Variants in DENND6A observed in about 807,000 individuals in gnomAD.
DENND6A encodes the protein DENN domain containing 6A.
A neutral mutation model predicts 95.5 loss-of-function variants in DENND6A; 43 were observed. That is an observed-to-expected ratio of 0.45 (90% CI 0.35 to 0.58). The LOEUF is 0.58. DENND6A is among the 20% of genes least tolerant of loss of function. The pLI is 0.00. For synonymous variants in DENND6A, 257 were observed against 260.4 expected, an observed-to-expected ratio of 0.99 and a Z score of 0.13; for missense variants, 574 against 736.0, an observed-to-expected ratio of 0.78 and a Z score of 2.55.
intron 9 of DENND6A, among the ~76,000 whole-genome samples, chr3:57,652,535 A>G (rs570350750): frequency 6.6e-6 from 1 of 152,368 alleles, no homozygotes; most frequent in South Asian, 2.1e-4. Context: ...AACTGTGTGA[A>G]ATAATGTTTG....
At chr3:57,661,765 A>T (rs1432325196) in intron 5 of DENND6A, among the ~76,000 whole-genome samples, 1 of 152,186 alleles carries the variant, frequency 6.6e-6, no homozygotes, top group Non-Finnish European at 1.5e-5. Context: ...CATGTAACAG[A>T]TTTTCCTGCT....
At chr3:57,663,827 C>T (rs2071478287) in intron 4 of DENND6A, 111 bp from the exon 5 acceptor site, 2 of 520,114 alleles carry the variant, frequency 3.8e-6, no homozygotes, top group East Asian at 7.1e-5. Flanking sequence ...TTTATAAACC[C>T]AAATCAAGAC....
rs2070942558 is a variant in DENND6A, at chr3:57,641,699, G to C, written c.1086C>G (p.Leu362=). 6.2e-7 allele frequency: 1 copy of C among 1,613,312 alleles called. No individual in the cohort carries two copies. Among genetic ancestry groups the C allele is most frequent in the Admixed American group, 1.7e-5 (1 of 59,942 alleles). ...GVTNPFFAKT[L]QHWPHIIRIG... Reference sequence around the variant, plus strand: ...TTCGAATAATGTGTGGCCAGTGCTGGAGTGTCTTAGCAAAAAAAGGGTTGG... The same window carrying C: ...TTCGAATAATGTGTGGCCAGTGCTGCAGTGTCTTAGCAAAAAAAGGGTTGG... Residue 362 remains leucine (L), a synonymous_variant, in exon 12 of 20, where the codon CTC becomes CTG. Transcript: ENST00000311128.
chr3:57,661,753 G>A (rs141013555), intron 5 of DENND6A, among the ~76,000 whole-genome samples: 2 of 152,240 alleles, frequency 1.3e-5, no homozygotes, highest in East Asian at 3.9e-4. Context: ...AGAGCATAAT[G>A]GCATGTAACA....
chr3:57,651,193 C>T (rs1213377131), intron 9 of DENND6A, among the ~76,000 whole-genome samples: 1 of 152,198 alleles, frequency 6.6e-6, no homozygotes, highest in Non-Finnish European at 1.5e-5. Flanking sequence ...AAAAGCAGTA[C>T]GCATTCAGTA....
intron 15 of DENND6A, among the ~76,000 whole-genome samples, chr3:57,631,992 G>T (rs1417090730): frequency 7.0e-6 from 1 of 143,606 alleles, no homozygotes; most frequent in South Asian, 2.2e-4. Context: ...AAAGTGCTGG[G>T]ATTACAGGCG....
intron 1 of DENND6A, among the ~76,000 whole-genome samples, chr3:57,685,292 A>G (rs914333599): frequency 2.0e-5 from 3 of 152,018 alleles, no homozygotes; most frequent in Admixed American, 6.6e-5. Flanking sequence ...TATCATTAAA[A>G]AAAATTGTTT....
chr3:57,657,825 G>T, intron 8 of DENND6A, 90 bp from the exon 9 acceptor site: 1 of 751,202 alleles, frequency 1.3e-6, no homozygotes, highest in Non-Finnish European at 2.2e-6. Flanking sequence ...AATAAGCCAT[G>T]CTGCCCTGTC....
chr3:57,629,218 GA>G (rs1195001853), intron 18 of DENND6A, among the ~76,000 whole-genome samples: 1 of 152,140 alleles, frequency 6.6e-6, no homozygotes, highest in Non-Finnish European at 1.5e-5. Flanking sequence ...AATTTATAAG[GA>G]ACATTAGTTA....
At position 57,645,723 on chromosome 3, in the gene DENND6A, G is replaced by C; in HGVS notation, c.975C>G (p.Phe325Leu). 3 of 1,613,412 alleles carry C rather than the reference G, an allele frequency of 1.9e-6. No individual in the cohort carries two copies. Among genetic ancestry groups the C allele is most frequent in the Non-Finnish European group, 2.5e-6 (3 of 1,179,618 alleles). The change falls in exon 11 of 20, where the codon TTC (phenylalanine) becomes TTG (leucine). Residue 325 changes from phenylalanine to leucine, a missense_variant. This residue lies in a region of DENND6A where 452 missense variants were observed against 630.9 expected (regional missense o/e 0.72). Transcript: ENST00000311128. ...CISPLKYFSD[F>L]RPYFTIHDSE... The stretch of plus-strand genomic sequence containing the variant: ...TATCATGAATAGTGAAATAAGGTCG[G>C]AAATCACTGAAGTACTTTAATGGAG...
chr3:57,629,087 AATTGTCTCAT>A (rs1174048729), intron 18 of DENND6A, among the ~76,000 whole-genome samples: 1 of 152,226 alleles, frequency 6.6e-6, no homozygotes, highest in East Asian at 1.9e-4. Context: ...TAGCCAGAAT[AATTGTCTCAT>A]ATTTGGAAGT....
intron 1 of DENND6A, among the ~76,000 whole-genome samples, chr3:57,687,636 A>C (rs2077222692): frequency 6.6e-6 from 1 of 152,126 alleles, no homozygotes; most frequent in South Asian, 2.1e-4. Flanking sequence ...TCAAAGTTTC[A>C]AAGGATAGGA....
chr3:57,660,797 T>C lies in DENND6A; in HGVS notation c.662A>G (p.Lys221Arg). 1 of 1,610,340 alleles carries C rather than the reference T, an allele frequency of 6.2e-7. No individual in the cohort carries two copies. The highest frequency in any genetic ancestry group is 8.5e-7 in the Non-Finnish European group (1 of 1,178,226). Residue 221 changes from lysine to arginine, a missense_variant, in exon 7 of 20, where the codon AAA becomes AGA. Physicochemically the swap from Lys to Arg is conservative, Grantham distance 26. Transcript: ENST00000311128. ...CCCCATGATTGGCAGGTGTAATGTTTTCCCTGGCACTGGGGCAGGCCATCG... is the reference window on the plus strand; with the variant it reads ...CCCCATGATTGGCAGGTGTAATGTTCTCCCTGGCACTGGGGCAGGCCATCG... ...VDRWPAPVPG[K>R]TLHLPIMGVV...
intron 1 of DENND6A, among the ~76,000 whole-genome samples, chr3:57,680,339 C>T (rs2077152096): frequency 2.6e-5 from 4 of 152,078 alleles, no homozygotes; most frequent in Admixed American, 2.6e-4. Context: ...CAACAAAAAC[C>T]CCAAGGTGAT....
intron 1 of DENND6A, among the ~76,000 whole-genome samples, chr3:57,690,385 T>C (rs2077251872): frequency 1.3e-5 from 2 of 152,022 alleles, no homozygotes; most frequent in South Asian, 2.1e-4. Flanking sequence ...GTGCCTGTAG[T>C]CCCAGCAACT....
intron 12 of DENND6A, among the ~76,000 whole-genome samples, chr3:57,641,276 ATATATATTTAAATAT>A (rs1335029789): frequency 3.5e-5 from 5 of 143,920 alleles, no homozygotes; most frequent in Admixed American, 2.2e-4. Context: ...TTATATTAAA[ATATATATTTAAATAT>A]TATATATTTA....
chr3:57,692,229 C>CAAAAA (rs11303769), intron 1 of DENND6A, among the ~76,000 whole-genome samples: 7 of 72,844 alleles, frequency 9.6e-5, no homozygotes, highest in African/African-American at 3.2e-4. Context: ...AACTCCGTCT[C>CAAAAA]AAAAAAAAAA....
intron 1 of DENND6A, among the ~76,000 whole-genome samples, chr3:57,676,375 TAAAA>T (rs35465829): frequency 1.0e-3 from 91 of 87,368 alleles, no homozygotes; most frequent in Non-Finnish European, 1.4e-3. Flanking sequence ...TAAGATTATT[TAAAA>T]AAAAAAAAAA....
chr3:57,670,670 T>C (rs1041556749), intron 3 of DENND6A, among the ~76,000 whole-genome samples: 3 of 152,194 alleles, frequency 2.0e-5, no homozygotes, highest in Non-Finnish European at 4.4e-5. Flanking sequence ...TGCCTTCAAC[T>C]CAAAATAATT....
Sources: gnomAD v4.1 joint callset for allele counts (sites outside exome capture counted in the v4.1 genomes callset) on GRCh38, gnomAD v4.1.1 for gene constraint, gnomAD v4.1.1 regional missense constraint, MANE v1.5 for transcripts, NCBI Gene and HGNC (gene_info 2026-07-23, HGNC 2026-07-21) for gene names.